Variants in TERB1 observed in about 807,000 individuals in gnomAD.
TERB1 encodes telomere repeats-binding bouquet formation protein 1.
Under a neutral mutation model 92.3 loss-of-function variants are expected in TERB1, and 63 were observed. The ratio of observed to expected loss-of-function variants is 0.68; its 90% confidence interval spans 0.56 to 0.84. TERB1 has a LOEUF of 0.84. Ranked by LOEUF, TERB1 falls within the 40% of genes least tolerant of loss-of-function variation. The pLI is 0.00. For missense variants in TERB1, 709 were observed against 843.7 expected, an observed-to-expected ratio of 0.84 and a Z score of 1.98; for synonymous variants, 252 against 283.9, an observed-to-expected ratio of 0.89 and a Z score of 1.13.
chr16:66,781,464 C>A (rs2018634841), intron 9 of TERB1, among the ~76,000 whole-genome samples: 1 of 148,564 alleles, frequency 6.7e-6, no homozygotes, highest in Non-Finnish European at 1.5e-5. Flanking sequence ...CATCAGGTTG[C>A]TTTTGTCTTC....
At chr16:66,772,893 G>A in intron 12 of TERB1, 144 bp from the exon 13 acceptor site, 1 of 624,424 alleles carries the variant, frequency 1.6e-6, no homozygotes, top group East Asian at 2.9e-5. Context: ...AAAAGTAAGT[G>A]GAAGATTATC....
chr16:66,776,617 G>A (rs975794689), intron 11 of TERB1, among the ~76,000 whole-genome samples: 1 of 152,014 alleles, frequency 6.6e-6, no homozygotes, highest in Non-Finnish European at 1.5e-5. Flanking sequence ...GGAAAGAGCA[G>A]AGAGAGATTA....
intron 9 of TERB1, among the ~76,000 whole-genome samples, chr16:66,784,690 T>C (rs59931527): frequency 0.029 from 4,343 of 151,732 alleles, 81 homozygotes; most frequent in Admixed American, 0.054. Context: ...GCCTTAATAC[T>C]ATAAATTTCC....
intron 17 of TERB1, 105 bp from the exon 18 acceptor site, chr16:66,758,943 CT>C: frequency 1.0e-6 from 1 of 954,588 alleles, no homozygotes; most frequent in African/African-American, 1.7e-5. Context: ...AGTGGGAATA[CT>C]TAGATAGATT....
intron 3 of TERB1, 99 bp downstream of exon 3, chr16:66,796,669 C>G (rs1249416028): frequency 2.3e-6 from 2 of 881,840 alleles, no homozygotes; most frequent in Non-Finnish European, 3.6e-6. Flanking sequence ...ATGTAAATGG[C>G]TGAATGATTC....
rs544610342 is a variant in TERB1 at position 66,761,645 on chromosome 16, G to A, written c.1781-2355C>T. On this transcript the variant is annotated intron_variant, in intron 16 of 18. Transcript: ENST00000433154. The stretch of plus-strand genomic sequence containing the variant: ...GTCCCTACCAAAAAAAATATTAGCC[G>A]GGTGTGGTGGCACACATCTGTAGTC... Among the ~76,000 whole-genome samples the A allele has an allele frequency of 5.9e-5, 9 of 151,708 alleles. No homozygotes were observed. The South Asian group carries it at 6.3e-4, about 11-fold the overall frequency.
Position 66,786,283 on chromosome 16 carries a change from T to C in TERB1, c.403A>G (p.Thr135Ala), listed in dbSNP as rs1041816127. The change falls in exon 7 of 19, where the codon ACC becomes GCC. Residue 135 changes from threonine (T) to alanine (A), a missense_variant and splice_region_variant. Coordinates refer to ENST00000433154, the MANE Select transcript of TERB1 (RefSeq NM_001136505.2). ...GTTTCTCTCACAAGTGTTTGTCCGG[T>C]CCCTTAAAAAAATAGCCATATAAAA... ...VILVLVSNNR[T>A]GQTLVRETGC... 3.2e-6 allele frequency: 5 copies of C among 1,543,764 alleles called. No individual in the cohort carries two copies. The African/African-American group carries it at 5.5e-5, about 17-fold the overall frequency.
chr16:66,786,023 G>A lies in TERB1; in HGVS notation c.568C>T (p.Pro190Ser). The A allele has an allele frequency of 6.5e-7, 1 of 1,545,052 alleles. No individual in the cohort carries two copies. The highest frequency in any genetic ancestry group is 8.7e-7 in the Non-Finnish European group (1 of 1,143,588). The change falls in exon 8 of 19, where the codon CCT becomes TCT. Residue 190 changes from proline (P) to serine (S), a missense_variant. By Grantham distance (74) the Pro-to-Ser change is moderately conservative. Transcript: ENST00000433154. ...CSTLCVCVNN[P>S]QNDENQMFCC... is the part of the protein sequence containing the mutation. ...CATGACAGATAATTACCATTTTGAG[G>A]ATTGTTGACACAGACACACAGAGTA...
At chr16:66,794,827 G>A (rs747442148) in intron 3 of TERB1, among the ~76,000 whole-genome samples, 69 of 151,652 alleles carry the variant, frequency 4.5e-4, no homozygotes, top group Non-Finnish European at 7.8e-4. Context: ...GGAGAATGGC[G>A]TGAACCTGGG....
chr16:66,767,767 G>A (rs946561912), intron 15 of TERB1, among the ~76,000 whole-genome samples: 6 of 151,440 alleles, frequency 4.0e-5, no homozygotes, highest in African/African-American at 7.3e-5. Context: ...TCACTCTGTC[G>A]TCCAGGCTGG....
chr16:66,791,043 T>C, intron 3 of TERB1, 24 bp from the exon 4 acceptor site: 1 of 1,333,648 alleles, frequency 7.5e-7, no homozygotes, highest in Non-Finnish European at 1.0e-6. Context: ...ATGTCATTAT[T>C]TTAAACCAAA....
At chr16:66,766,963 T>A (rs1424585395) in intron 16 of TERB1, among the ~76,000 whole-genome samples, 1 of 152,190 alleles carries the variant, frequency 6.6e-6, no homozygotes, top group African/African-American at 2.4e-5. Flanking sequence ...TTAATTTGAA[T>A]GCTTTGATAT....
upstream of TERB1, among the ~76,000 whole-genome samples, chr16:66,801,948 C>G (rs528592180): frequency 5.9e-5 from 9 of 152,330 alleles, no homozygotes; most frequent in East Asian, 1.2e-3. Context: ...TGTTGGGCAC[C>G]TCGCTAATCG....
intron 14 of TERB1, among the ~76,000 whole-genome samples, chr16:66,768,451 A>T (rs2018387317): frequency 6.6e-6 from 1 of 152,220 alleles, no homozygotes; most frequent in Non-Finnish European, 1.5e-5. Context: ...GGAGAGATGA[A>T]GGCAAAAAGG....
intron 5 of TERB1, 126 bp downstream of exon 5, chr16:66,790,469 G>T: frequency 1.6e-6 from 1 of 621,094 alleles, no homozygotes; most frequent in Non-Finnish European, 2.6e-6. Context: ...GGGGAAGGAG[G>T]CTAGATAAAA....
At chr16:66,772,986 T>A (rs1384998483) in intron 12 of TERB1, among the ~76,000 whole-genome samples, 1 of 152,158 alleles carries the variant, frequency 6.6e-6, no homozygotes, top group Admixed American at 6.6e-5. Context: ...AAATATGTTA[T>A]GCCAGACACA....
intron 18 of TERB1, among the ~76,000 whole-genome samples, 194 bp from the exon 19 acceptor site, chr16:66,755,357 A>G (rs2018120713): frequency 6.6e-6 from 1 of 152,246 alleles, no homozygotes; most frequent in Admixed American, 6.5e-5. Flanking sequence ...GCTAGTTGCT[A>G]TCACTGTGAC....
chr16:66,801,975 G>A (rs1383040296), upstream of TERB1, among the ~76,000 whole-genome samples: 1 of 152,184 alleles, frequency 6.6e-6, no homozygotes, highest in Non-Finnish European at 1.5e-5. Context: ...CAGCCCCACA[G>A]GGGCAGCCAG....
At chr16:66,797,810 A>G (rs1959206019) in intron 2 of TERB1, among the ~76,000 whole-genome samples, 1 of 152,088 alleles carries the variant, frequency 6.6e-6, no homozygotes, top group East Asian at 1.9e-4. Flanking sequence ...AGCCTCTCAA[A>G]GTGCTGGGAT....
Sources: gnomAD v4.1 joint callset for allele counts (sites outside exome capture counted in the v4.1 genomes callset) on GRCh38, gnomAD v4.1.1 for gene constraint, MANE v1.5 for transcripts, NCBI Gene and HGNC (gene_info 2026-07-23, HGNC 2026-07-21) for gene names.